GTF2E2: variants seen among roughly 807,000 people sequenced by gnomAD.
GTF2E2 encodes general transcription factor IIE subunit 2, also known as transcription initiation factor IIE subunit beta.
A neutral mutation model predicts 40.5 loss-of-function variants in GTF2E2; 21 were observed. The observed-to-expected ratio is 0.52, with a 90% confidence interval of 0.37 to 0.75. The LOEUF is 0.75. Ranked by LOEUF, GTF2E2 falls within the 30% of genes least tolerant of loss-of-function variation. GTF2E2 has a pLI of 0.00. For missense variants in GTF2E2, 298 were observed against 338.4 expected (o/e 0.88, Z 0.94); for synonymous variants, 117 against 121.6 (o/e 0.96, Z 0.25).
chr8:30,649,740 G>A (rs1802208588), intron 2 of GTF2E2, among the ~76,000 whole-genome samples: 1 of 152,112 alleles, frequency 6.6e-6, no homozygotes, highest in Non-Finnish European at 1.5e-5. Flanking sequence ...GGCTACTCTG[G>A]GGGGCCTGAG....
At chr8:30,624,046 T>C (rs1313796724) in intron 3 of GTF2E2, among the ~76,000 whole-genome samples, 2 of 152,174 alleles carry the variant, frequency 1.3e-5, no homozygotes, top group Non-Finnish European at 1.5e-5. Flanking sequence ...TTGGCTTTCG[T>C]TGCCATTGCT....
intron 3 of GTF2E2, among the ~76,000 whole-genome samples, chr8:30,615,363 A>G (rs1800889550): frequency 6.6e-6 from 1 of 152,224 alleles, no homozygotes; most frequent in Non-Finnish European, 1.5e-5. Context: ...AGGAAAAGAC[A>G]CTCAACTTTC....
intron 2 of GTF2E2, chr8:30,645,689 A>G: frequency 8.0e-7 from 1 of 1,257,316 alleles, no homozygotes; most frequent in Non-Finnish European, 1.1e-6. Flanking sequence ...GCTACAAAAC[A>G]AATTCTGACT....
intron 6 of GTF2E2, among the ~76,000 whole-genome samples, chr8:30,591,858 A>G (rs1356519723): frequency 6.6e-6 from 1 of 152,232 alleles, no homozygotes; most frequent in African/African-American, 2.4e-5. Context: ...ACAACAGCCA[A>G]AAAGTGGAAA....
chr8:30,579,680 G>T (rs916875224), intron 7 of GTF2E2, among the ~76,000 whole-genome samples: 6 of 152,144 alleles, frequency 3.9e-5, no homozygotes, highest in African/African-American at 1.4e-4. Flanking sequence ...GGAAAGGGGG[G>T]AGGAGCACAG....
At position 30,629,653 on chromosome 8, in the gene GTF2E2, C is replaced by A. The variant is rs958366902; in HGVS notation, c.258+5379G>T. Among the ~76,000 whole-genome samples the A allele has an allele frequency of 1.2e-4, 17 of 144,558 alleles. No individual in the cohort carries two copies. In the South Asian group the frequency reaches 1.3e-3, roughly 11 times the overall value. 94.8% of individuals were successfully genotyped at this position (144,558 alleles called of 152,430 possible). ...GCAATGAGCCAAGATCGCACCACTG[C>A]ACTCCAGCCTGGGTGACAGAGCAAG... On this transcript the variant is annotated intron_variant, in intron 3 of 7. Coordinates refer to ENST00000355904, the MANE Select transcript of GTF2E2 (RefSeq NM_002095.6).
At chr8:30,629,235 T>C (rs968022246) in intron 3 of GTF2E2, among the ~76,000 whole-genome samples, 1 of 152,226 alleles carries the variant, frequency 6.6e-6, no homozygotes, top group Non-Finnish European at 1.5e-5. Context: ...TCCATATTCT[T>C]GACCCAGTCC....
At chr8:30,630,847 T>A (rs1801419628) in intron 3 of GTF2E2, among the ~76,000 whole-genome samples, 1 of 152,142 alleles carries the variant, frequency 6.6e-6, no homozygotes, top group South Asian at 2.1e-4. Context: ...GCTGGAACAT[T>A]CTAATCTATC....
At chr8:30,641,665 T>C (rs575148520) in intron 2 of GTF2E2, among the ~76,000 whole-genome samples, 1 of 152,270 alleles carries the variant, frequency 6.6e-6, no homozygotes, top group East Asian at 1.9e-4. Flanking sequence ...TTACCTGACG[T>C]CAGGGGTTCA....
At chr8:30,596,710 C>T (rs1829017887) in intron 6 of GTF2E2, among the ~76,000 whole-genome samples, 2 of 152,056 alleles carry the variant, frequency 1.3e-5, no homozygotes. Context: ...TTTTTGAAAG[C>T]AGGATATCCT....
intron 6 of GTF2E2, among the ~76,000 whole-genome samples, chr8:30,592,260 TC>T (rs1358768135): frequency 6.6e-6 from 1 of 152,122 alleles, no homozygotes; most frequent in Non-Finnish European, 1.5e-5. Context: ...ACACCTGTAG[TC>T]CTAGCTACTG....
chr8:30,638,814 T>G (rs1243477047), intron 2 of GTF2E2, among the ~76,000 whole-genome samples: 1 of 152,262 alleles, frequency 6.6e-6, no homozygotes, highest in East Asian at 1.9e-4. Context: ...AAGACTGCCT[T>G]GTGCTATTTG....
intron 6 of GTF2E2, among the ~76,000 whole-genome samples, chr8:30,589,474 G>A (rs1453777718): frequency 6.6e-6 from 1 of 152,210 alleles, no homozygotes; most frequent in Admixed American, 6.5e-5. Context: ...TGGGAGGATG[G>A]CTTGAGTCCA....
At chr8:30,602,523 A>G (rs2979527) in intron 6 of GTF2E2, among the ~76,000 whole-genome samples, 6,949 of 152,172 alleles carry the variant, frequency 0.046, 267 homozygotes, top group African/African-American at 0.1. Flanking sequence ...TTGGGAGGCC[A>G]AGGCAAACAG....
chr8:30,656,098 G>C (rs1422069314), intron 1 of GTF2E2, among the ~76,000 whole-genome samples: 1 of 152,116 alleles, frequency 6.6e-6, no homozygotes, highest in East Asian at 1.9e-4. Flanking sequence ...ACAGGCGTGA[G>C]TCACCGCACC....
chr8:30,648,614 A>G (rs1175508955), intron 2 of GTF2E2, among the ~76,000 whole-genome samples: 1 of 152,208 alleles, frequency 6.6e-6, no homozygotes, highest in Non-Finnish European at 1.5e-5. Flanking sequence ...GAGCTGTGAG[A>G]GGATGTGACA....
At chr8:30,585,740 T>C (rs1192416030) in intron 6 of GTF2E2, among the ~76,000 whole-genome samples, 3 of 145,860 alleles carry the variant, frequency 2.1e-5, no homozygotes, top group African/African-American at 7.6e-5. Flanking sequence ...TATGGTGTTC[T>C]AGTGTTAGCA....
intron 3 of GTF2E2, among the ~76,000 whole-genome samples, chr8:30,625,339 G>A (rs902273216): frequency 3.3e-5 from 5 of 152,078 alleles, no homozygotes; most frequent in Non-Finnish European, 5.9e-5. Context: ...TGTTGAACCA[G>A]CCTTGCATCC....
intron 3 of GTF2E2, among the ~76,000 whole-genome samples, chr8:30,632,009 T>C (rs1464311610): frequency 2.0e-5 from 3 of 151,724 alleles, no homozygotes; most frequent in South Asian, 2.1e-4. Flanking sequence ...ACTTGGGAGG[T>C]TGAGGTGGGA....
Sources: allele counts gnomAD v4.1 joint callset (sites outside exome capture counted in the v4.1 genomes callset), GRCh38; gene constraint gnomAD v4.1.1; transcripts MANE v1.5; gene names NCBI Gene and HGNC (gene_info 2026-07-23, HGNC 2026-07-21).